The following COL6A6 variants were observed in gnomAD, a reference collection of about 807,000 sequenced individuals.
COL6A6 encodes the protein collagen alpha-6(VI) chain.
A neutral mutation model predicts 208.6 loss-of-function variants in COL6A6; 183 were observed. The ratio of observed to expected loss-of-function variants is 0.88; its 90% CI spans 0.78 to 0.99. The LOEUF (loss-of-function observed/expected upper bound fraction) is 0.99. COL6A6 is among the 50% of genes least tolerant of loss of function. The probability of loss-of-function intolerance (pLI) is 0.00; values close to 1 mark genes in which losing one functional copy is unlikely to be tolerated. For synonymous variants in COL6A6, 973 were observed against 1,011.8 expected (o/e 0.96, Z 0.73); for missense variants, 2,816 against 2,815.2 (o/e 1.00, Z -0.01).
intron 33 of COL6A6, among the ~76,000 whole-genome samples, chr3:130,651,871 A>G (rs1422446683): frequency 1.3e-5 from 2 of 152,222 alleles, no homozygotes; most frequent in Admixed American, 1.3e-4. Flanking sequence ...AACTTCTGAA[A>G]ATGTACTTTG....
chr3:130,626,010 C>T (rs1392126951), intron 24 of COL6A6, among the ~76,000 whole-genome samples: 2 of 152,098 alleles, frequency 1.3e-5, no homozygotes, highest in Non-Finnish European at 2.9e-5. Flanking sequence ...GCTGAACTTT[C>T]CTCAACATAA....
At chr3:130,573,351 G>A (rs931229854) in intron 7 of COL6A6, among the ~76,000 whole-genome samples, 1 of 152,094 alleles carries the variant, frequency 6.6e-6, no homozygotes, top group African/African-American at 2.4e-5. Flanking sequence ...TTTCCATAGC[G>A]CTGGCCCCAG....
intron 1 of COL6A6, among the ~76,000 whole-genome samples, chr3:130,543,896 TGAGA>T (rs1171948077): frequency 1.3e-5 from 2 of 152,180 alleles, no homozygotes; most frequent in Non-Finnish European, 2.9e-5. Flanking sequence ...AATTTTTGTT[TGAGA>T]AAGTATTTCT....
intron 35 of COL6A6, among the ~76,000 whole-genome samples, chr3:130,663,849 C>A (rs774916389): frequency 1.2e-4 from 19 of 152,298 alleles, no homozygotes; most frequent in Non-Finnish European, 2.4e-4. Flanking sequence ...TCTTCTAGAA[C>A]TTAGATCTAT....
chr3:130,532,029 C>T (rs1307566330), intron 1 of COL6A6, among the ~76,000 whole-genome samples: 4 of 152,106 alleles, frequency 2.6e-5, no homozygotes, highest in Admixed American at 6.5e-5. Flanking sequence ...CATGTAAATG[C>T]ATGGATTTGC....
intron 20 of COL6A6, among the ~76,000 whole-genome samples, chr3:130,602,126 G>GA (rs1163966965): frequency 2.0e-5 from 3 of 152,194 alleles, no homozygotes; most frequent in African/African-American, 7.2e-5. Flanking sequence ...AAACAATGAG[G>GA]AGAGAAGTAA....
intron 35 of COL6A6, among the ~76,000 whole-genome samples, chr3:130,664,048 G>A (rs982474256): frequency 6.6e-6 from 1 of 152,152 alleles, no homozygotes; most frequent in Admixed American, 6.5e-5. Context: ...GTATCAAGGA[G>A]TGACCAAAAC....
chr3:130,578,415 T>C (rs16829695), intron 8 of COL6A6, among the ~76,000 whole-genome samples: 28,513 of 152,074 alleles, frequency 0.19, 3,773 homozygotes, highest in East Asian at 0.47. Flanking sequence ...CAATACTTTA[T>C]TGGGAGTGCA....
At chr3:130,531,924 A>G (rs2062106276) in intron 1 of COL6A6, among the ~76,000 whole-genome samples, 1 of 152,204 alleles carries the variant, frequency 6.6e-6, no homozygotes, top group African/African-American at 2.4e-5. Context: ...TCAAAGAAAA[A>G]CCATGCCTTT....
chr3:130,533,752 G>A (rs1383259313), intron 1 of COL6A6, among the ~76,000 whole-genome samples: 1 of 152,136 alleles, frequency 6.6e-6, no homozygotes, highest in Admixed American at 6.5e-5. Context: ...ATTTTACATG[G>A]ATGGTATTGT....
intron 1 of COL6A6, among the ~76,000 whole-genome samples, chr3:130,525,088 C>T (rs2061933363): frequency 6.6e-6 from 1 of 152,140 alleles, no homozygotes; most frequent in African/African-American, 2.4e-5. Flanking sequence ...AAATGAGAGT[C>T]CAGGATTTCA....
At chr3:130,523,298 A>T (rs1446836921) in intron 1 of COL6A6, among the ~76,000 whole-genome samples, 1 of 152,122 alleles carries the variant, frequency 6.6e-6, no homozygotes, top group Non-Finnish European at 1.5e-5. Flanking sequence ...CTTACTAGGA[A>T]AAGTGCCCTT....
At chr3:130,585,767 C>T (rs2063525911) in intron 10 of COL6A6, among the ~76,000 whole-genome samples, 1 of 152,186 alleles carries the variant, frequency 6.6e-6, no homozygotes, top group African/African-American at 2.4e-5. Context: ...GATGTCTTAT[C>T]AGATCGTACA....
chr3:130,553,323 C>A (rs116443031), intron 1 of COL6A6, among the ~76,000 whole-genome samples: 1,593 of 152,300 alleles, frequency 0.01, 26 homozygotes, highest in African/African-American at 0.037. Context: ...TTCCATATTT[C>A]TCTAGGGTTT....
rs550194431 is a variant in COL6A6, at chr3:130,546,694, G to A, written c.-31-13640G>A. Among the ~76,000 whole-genome samples, 9 of 151,924 alleles carry A rather than the reference G, an allele frequency of 5.9e-5. No individual in the cohort carries two copies. The South Asian group carries it at 6.3e-4, about 11-fold the overall frequency. ...GCTAGACATAAAAGTTCTCCAAGTC[G>A]TCACCAGATTAACTAGACACAGAGC... On this transcript the variant is annotated intron_variant, in intron 1 of 36. Transcript: ENST00000358511.
At chr3:130,627,296 G>A (rs1412302433) in intron 25 of COL6A6, 23 bp from the exon 26 acceptor site, 2 of 1,608,984 alleles carry the variant, frequency 1.2e-6, no homozygotes, top group Admixed American at 3.3e-5. Flanking sequence ...TGGGATGTTG[G>A]TAATCAATTG....
intron 8 of COL6A6, among the ~76,000 whole-genome samples, chr3:130,577,991 G>C (rs540163434): frequency 3.3e-5 from 5 of 152,110 alleles, no homozygotes; most frequent in Non-Finnish European, 7.4e-5. Context: ...ATAAATATAC[G>C]TGGTATTTTC....
chr3:130,523,288 C>G (rs562910205), intron 1 of COL6A6, among the ~76,000 whole-genome samples: 1 of 152,246 alleles, frequency 6.6e-6, no homozygotes, highest in South Asian at 2.1e-4. Context: ...ACTGGACCCC[C>G]TTACTAGGAA....
At position 130,573,956 on chromosome 3, in the gene COL6A6, A is replaced by C. The variant is rs766350510; in HGVS notation, c.2978A>C (p.Asp993Ala). 6.9e-6 allele frequency: 11 copies of C among 1,591,424 alleles called. No individual in the cohort carries two copies. The South Asian group carries it at 7.7e-5, about 11-fold the overall frequency. The change falls in exon 8 of 37, where the codon GAT becomes GCT. Residue 993 changes from aspartate (D) to alanine (A), a missense_variant and splice_region_variant. Coordinates refer to ENST00000358511, the MANE Select transcript of COL6A6 (RefSeq NM_001102608.3). ...CTGTTGTTCCTTCTCTTCTTTGTAG[A>C]TTGTGAAATTGACAAAGTAGATCTT... ...TASVCNSSKV[D>A]CEIDKVDLVF...
Sources: gnomAD v4.1 joint callset for allele counts (sites outside exome capture counted in the v4.1 genomes callset) on GRCh38, gnomAD v4.1.1 for gene constraint, MANE v1.5 for transcripts, NCBI Gene and HGNC (gene_info 2026-07-23, HGNC 2026-07-21) for gene names.